The following MARCHF8 variants were observed in gnomAD, a reference collection of about 807,000 sequenced individuals.
MARCHF8 encodes E3 ubiquitin-protein ligase MARCHF8.
A neutral mutation model predicts 51.6 loss-of-function variants in MARCHF8; 40 were observed. That is an observed-to-expected ratio of 0.77 (90% confidence interval 0.60 to 1.01). The LOEUF is 1.01. Among genes scored for constraint, MARCHF8 ranks in the 50% least tolerant of loss-of-function variants. The probability of loss-of-function intolerance (pLI) is 0.00; values close to 1 mark genes in which losing one functional copy is unlikely to be tolerated. For synonymous variants in MARCHF8, 263 were observed against 280.3 expected, an observed-to-expected ratio of 0.94 and a Z score of 0.62; for missense variants, 685 against 708.6, an observed-to-expected ratio of 0.97 and a Z score of 0.38.
chr10:45,460,910 A>G (rs1589069037), intron 6 of MARCHF8, among the ~76,000 whole-genome samples: 1 of 152,252 alleles, frequency 6.6e-6, no homozygotes, highest in Admixed American at 6.5e-5. Flanking sequence ...GGACGTCAAC[A>G]GTTAATATGT....
chr10:45,478,688 G>A (rs557755144), intron 3 of MARCHF8, among the ~76,000 whole-genome samples: 2 of 151,790 alleles, frequency 1.3e-5, no homozygotes, highest in African/African-American at 4.8e-5. Flanking sequence ...AAATGAAAAA[G>A]GAGACATTAC....
chr10:45,486,303 C>G (rs1457929543), intron 3 of MARCHF8, among the ~76,000 whole-genome samples: 3 of 152,292 alleles, frequency 2.0e-5, no homozygotes, highest in Admixed American at 6.5e-5. Context: ...CGGTGGCTCA[C>G]GCCTGTAATC....
intron 5 of MARCHF8, 88 bp from the exon 6 acceptor site, chr10:45,461,499 A>T (rs1202602261): frequency 6.0e-6 from 7 of 1,162,306 alleles, no homozygotes; most frequent in Non-Finnish European, 6.9e-6. Flanking sequence ...CCCCCAAAGG[A>T]AACTCAGAAA....
At chr10:45,541,399 A>T (rs971629697) in intron 1 of MARCHF8, among the ~76,000 whole-genome samples, 4 of 152,160 alleles carry the variant, frequency 2.6e-5, no homozygotes, top group African/African-American at 9.7e-5. Flanking sequence ...GAAGCGGAAC[A>T]TCACACACCG....
At chr10:45,573,392 A>G (rs1335010455) in intron 1 of MARCHF8, among the ~76,000 whole-genome samples, 1 of 151,672 alleles carries the variant, frequency 6.6e-6, no homozygotes, top group Non-Finnish European at 1.5e-5. Context: ...TGTGAGAAAA[A>G]CCCCAGCCAC....
chr10:45,568,589 C>T (rs370120814), intron 1 of MARCHF8, among the ~76,000 whole-genome samples: 6 of 151,662 alleles, frequency 4.0e-5, no homozygotes, highest in African/African-American at 9.7e-5. Flanking sequence ...TGTGGTGGCA[C>T]GTGCCTGTAA....
Position 45,463,207 on chromosome 10 carries a change from G to A in MARCHF8, c.1032C>T (p.Pro344=), listed in dbSNP as rs1161526009. 1 of 1,550,604 alleles carries A rather than the reference G, an allele frequency of 6.4e-7. No individual in the cohort carries two copies. Among genetic ancestry groups the A allele is most frequent in the Non-Finnish European group, 8.7e-7 (1 of 1,147,030 alleles). ...ATATGGGGGGTAATTTTTCAGAGAA[G>A]GGAGAAGGACAATCCAGGTCGCTGT... ...EKDSDLDCPS[P]FSEKLPPISP... Residue 344 remains proline (P), a synonymous_variant, in exon 5 of 8, where the codon CCC becomes CCT. Transcript: ENST00000453424.
chr10:45,458,359 T>C lies in MARCHF8; in HGVS notation c.1602A>G (p.Lys534=), dbSNP rs377747875. 5.0e-6 allele frequency: 8 copies of C among 1,614,048 alleles called. No homozygotes were observed. In the African/African-American group the frequency reaches 9.3e-5, roughly 19 times the overall value. ...CAAAGTTGGGCTCTGTTAGTGGAGA[T>C]TTTTCAAAAATATTCTTTTTGCTTG... The part of the protein sequence containing the change: ...PETSKKNIFE[K]SPLTEPNFEN... Residue 534 remains lysine (K), a synonymous_variant, in exon 8 of 8, where the codon AAA becomes AAG. Coordinates refer to ENST00000453424, the MANE Select transcript of MARCHF8 (RefSeq NM_001282866.2).
chr10:45,492,904 G>A (rs1232592595), intron 2 of MARCHF8, among the ~76,000 whole-genome samples: 1 of 152,164 alleles, frequency 6.6e-6, no homozygotes, highest in Admixed American at 6.5e-5. Context: ...ACTTACAGGT[G>A]GAGCATCCCA....
chr10:45,484,597 A>G (rs1252452042), intron 3 of MARCHF8, among the ~76,000 whole-genome samples: 1 of 152,240 alleles, frequency 6.6e-6, no homozygotes, highest in East Asian at 1.9e-4. Flanking sequence ...AAACTGTGAT[A>G]GGTGCTATGA....
chr10:45,485,918 C>T (rs150934183), intron 3 of MARCHF8, among the ~76,000 whole-genome samples: 86 of 152,288 alleles, frequency 5.6e-4, no homozygotes, highest in African/African-American at 2.0e-3. Context: ...TACGATTTTA[C>T]ATGTCACGGC....
intron 1 of MARCHF8, among the ~76,000 whole-genome samples, chr10:45,574,710 C>T (rs1296191877): frequency 3.3e-5 from 5 of 152,220 alleles, no homozygotes; most frequent in Admixed American, 3.3e-4. Flanking sequence ...GTGGCGGCTA[C>T]CGCTGCCTTA....
upstream of MARCHF8, among the ~76,000 whole-genome samples, chr10:45,537,138 T>C (rs906328474): frequency 4.6e-5 from 7 of 152,036 alleles, no homozygotes; most frequent in African/African-American, 1.7e-4. Context: ...CTAGGGTATA[T>C]ACACCAAAGA....
rs372882732 is a variant in MARCHF8 at position 45,534,200 on chromosome 10, C to CA, written c.-78-912dup. On this transcript the variant is annotated intron_variant, in intron 1 of 7. Transcript: ENST00000453424. The stretch of plus-strand genomic sequence containing the variant: ...TCCAACCCCCCAACCTCCCCCCCAC[C>CA]AAAAAAAAAAGAGTATGTACATGAA... Among the ~76,000 whole-genome samples, 588 of 139,064 alleles carry CA rather than the reference C, an allele frequency of 4.2e-3. 14 individuals carry two copies. In the East Asian group the frequency reaches 0.065, roughly 15 times the overall value. The allele number at this position is 139,064 out of a possible 152,430, so 91.2% of individuals were successfully genotyped here. A position where few individuals can be genotyped will look rare whatever the true frequency, so the allele number is the denominator to read the frequency against.
chr10:45,513,799 C>A lies in MARCHF8; in HGVS notation c.102+19311G>T, dbSNP rs140181853. Among the ~76,000 whole-genome samples, 80 of 152,264 alleles carry A rather than the reference C, an allele frequency of 5.3e-4. 1 individual carries two copies. The East Asian group carries it at 0.011, about 21-fold the overall frequency. On this transcript the variant is annotated intron_variant, in intron 2 of 7. Coordinates refer to ENST00000453424, the MANE Select transcript of MARCHF8 (RefSeq NM_001282866.2). The stretch of plus-strand genomic sequence containing the variant: ...TGGGAAATAATACCACAAAACAGAA[C>A]AAAGACCCTTTGTTCTGTCTTCTAT...
intron 1 of MARCHF8, among the ~76,000 whole-genome samples, chr10:45,558,534 A>C (rs2044276504): frequency 6.6e-6 from 1 of 152,258 alleles, no homozygotes; most frequent in South Asian, 2.1e-4. Flanking sequence ...AGCTGTTGCC[A>C]CAGGACTGAC....
At chr10:45,468,661 T>G (rs1442772855) in intron 3 of MARCHF8, among the ~76,000 whole-genome samples, 1 of 152,174 alleles carries the variant, frequency 6.6e-6, no homozygotes, top group Non-Finnish European at 1.5e-5. Context: ...TGTTTACAAC[T>G]CATCACAAAT....
intron 2 of MARCHF8, among the ~76,000 whole-genome samples, chr10:45,532,776 G>C (rs1427450928): frequency 6.6e-6 from 1 of 152,216 alleles, no homozygotes; most frequent in African/African-American, 2.4e-5. Context: ...CAGCCATCTG[G>C]TGTCCAAATT....
intron 3 of MARCHF8, among the ~76,000 whole-genome samples, chr10:45,483,160 A>T (rs1264834668): frequency 2.6e-5 from 4 of 152,254 alleles, no homozygotes; most frequent in Non-Finnish European, 5.9e-5. Context: ...TAAACTGAAA[A>T]GCTTCTGCAC....
Sources: gnomAD v4.1 joint callset for allele counts (sites outside exome capture counted in the v4.1 genomes callset) on GRCh38, gnomAD v4.1.1 for gene constraint, MANE v1.5 for transcripts, NCBI Gene and HGNC (gene_info 2026-07-23, HGNC 2026-07-21) for gene names.